CACNA1A: variants seen among roughly 807,000 people sequenced by gnomAD.
CACNA1A encodes the protein voltage-dependent P/Q-type calcium channel subunit alpha-1A.
A neutral mutation model predicts 262.4 loss-of-function variants in CACNA1A; 57 were observed. The observed-to-expected ratio is 0.22, with a 90% CI of 0.18 to 0.27. CACNA1A has a LOEUF of 0.27. Among genes scored for constraint, CACNA1A ranks in the 10% least tolerant of loss-of-function variants. The pLI, the probability that CACNA1A is intolerant of heterozygous loss-of-function variation, is 1.00. For missense variants in CACNA1A, 2,526 were observed against 3,562.8 expected (o/e 0.71, Z 7.41); for synonymous variants, 1,431 against 1,419.3 (o/e 1.01, Z -0.18).
chr19:13,463,145 TAA>T (rs112868135), intron 1 of CACNA1A, among the ~76,000 whole-genome samples: 2,772 of 141,504 alleles, frequency 0.02, 82 homozygotes, highest in African/African-American at 0.067. Flanking sequence ...TGCCTTTATT[TAA>T]AAAAAAAAAA....
chr19:13,422,853 G>T (rs1193752210), intron 3 of CACNA1A, among the ~76,000 whole-genome samples: 1 of 152,212 alleles, frequency 6.6e-6, no homozygotes, highest in Non-Finnish European at 1.5e-5. Flanking sequence ...AGCACTGTTT[G>T]CATAACTCCA....
intron 15 of CACNA1A, 35 bp from the exon 16 acceptor site, chr19:13,303,919 CCT>C (rs1306807727): frequency 1.4e-6 from 2 of 1,462,580 alleles, no homozygotes; most frequent in Admixed American, 1.7e-5. Flanking sequence ...AGCCAACCCC[CCT>C]CTCAGCCACG....
chr19:13,300,041 T>G (rs1220563460), intron 18 of CACNA1A, among the ~76,000 whole-genome samples: 1 of 152,150 alleles, frequency 6.6e-6, no homozygotes, highest in East Asian at 1.9e-4. Flanking sequence ...GCGGTAATGC[T>G]TGCTTGCTCA....
intron 28 of CACNA1A, 61 bp downstream of exon 28, chr19:13,257,289 G>T: frequency 1.5e-6 from 2 of 1,376,040 alleles, no homozygotes; most frequent in South Asian, 2.4e-5. Context: ...GGTGTTGTGT[G>T]TGTTTTAAAG....
chr19:13,295,137 A>G (rs891334560), intron 19 of CACNA1A, among the ~76,000 whole-genome samples: 9 of 152,238 alleles, frequency 5.9e-5, no homozygotes, highest in African/African-American at 1.9e-4. Flanking sequence ...GTGTGACTGA[A>G]CTCACAGCAT....
chr19:13,368,454 T>A (rs1242949026), intron 4 of CACNA1A, among the ~76,000 whole-genome samples: 1 of 147,714 alleles, frequency 6.8e-6, no homozygotes, highest in Non-Finnish European at 1.5e-5. Context: ...TGCCTCAGCC[T>A]CCCGAGTAGG....
At chr19:13,339,188 T>C (rs2080116783) in intron 6 of CACNA1A, among the ~76,000 whole-genome samples, 1 of 152,058 alleles carries the variant, frequency 6.6e-6, no homozygotes, top group Admixed American at 6.6e-5. Context: ...ATAGTCAACT[T>C]TACCTTAAAA....
In CACNA1A at chr19:13,308,211, T is replaced by C. The variant is rs1476877900; in HGVS notation, c.1822A>G (p.Asn608Asp). ...AGGCTGATGATGGACTTCATGGAGTTGAGGAGAGAGACGACCAGGTTTCTG... is the reference window on the plus strand; with the variant it reads ...AGGCTGATGATGGACTTCATGGAGTCGAGGAGAGAGACGACCAGGTTTCTG... ...SLRNLVVSLL[N>D]SMKSIISLLF... The change falls in exon 14 of 47, where the codon AAC (asparagine) becomes GAC (aspartate). Residue 608 changes from asparagine to aspartate, a missense_variant. Physicochemically the swap from Asn to Asp is conservative, Grantham distance 23 (BLOSUM62 1). Coordinates refer to ENST00000360228, the MANE Select transcript of CACNA1A (RefSeq NM_001127222.2). The surrounding 1 kb of genome is among the most constrained non-coding windows in gnomAD (Gnocchi z 4.2). The C allele has an allele frequency of 1.2e-6, 2 of 1,613,604 alleles. No homozygotes were observed. Among genetic ancestry groups the C allele is most frequent in the Non-Finnish European group, 1.7e-6 (2 of 1,179,828 alleles).
chr19:13,433,459 T>C (rs1460498778), intron 3 of CACNA1A, among the ~76,000 whole-genome samples: 1 of 18,322 alleles, frequency 5.5e-5, no homozygotes, highest in Non-Finnish European at 8.3e-5. Flanking sequence ...AGACGCTGTC[T>C]CAAAAAAAAA....
intron 1 of CACNA1A, among the ~76,000 whole-genome samples, chr19:13,469,460 CTTTTTTTTTTTT>C (rs1164678494): frequency 1.4e-4 from 9 of 62,234 alleles, no homozygotes; most frequent in East Asian, 1.0e-3. Flanking sequence ...TGAACCACCT[CTTTTTTTTTTTT>C]TTTTTTTTTT....
chr19:13,253,276 T>G (rs2056450292), intron 29 of CACNA1A, among the ~76,000 whole-genome samples, 175 bp from the exon 30 acceptor site: 1 of 150,356 alleles, frequency 6.7e-6, no homozygotes, highest in African/African-American at 2.4e-5. Flanking sequence ...CGGACTAGGC[T>G]CTTCTTTTCA....
intron 12 of CACNA1A, among the ~76,000 whole-genome samples, chr19:13,310,663 T>C (rs541420281): frequency 9.9e-5 from 15 of 150,840 alleles, no homozygotes; most frequent in Admixed American, 2.6e-4. Flanking sequence ...TTGGTGGACT[T>C]TGATTGTCAC....
At chr19:13,299,897 C>T (rs2057752914) in intron 18 of CACNA1A, among the ~76,000 whole-genome samples, 6 of 152,182 alleles carry the variant, frequency 3.9e-5, no homozygotes. Flanking sequence ...AACTGTTTCA[C>T]CTGAGATCAT....
chr19:13,472,895 T>G (rs1041892829), intron 1 of CACNA1A, among the ~76,000 whole-genome samples: 1 of 152,090 alleles, frequency 6.6e-6, no homozygotes, highest in Non-Finnish European at 1.5e-5. Context: ...AAATTAGAGA[T>G]CTCAAGATGA....
intron 10 of CACNA1A, among the ~76,000 whole-genome samples, chr19:13,320,237 C>CAAGAGA (rs1491121357): frequency 7.9e-6 from 1 of 127,150 alleles, no homozygotes; most frequent in African/African-American, 2.9e-5. Flanking sequence ...TTCCACAGAT[C>CAAGAGA]GAGAGAGAGA....
At chr19:13,217,878 G>C (rs1397313868) in intron 38 of CACNA1A, among the ~76,000 whole-genome samples, 3 of 150,400 alleles carry the variant, frequency 2.0e-5, no homozygotes, top group Non-Finnish European at 4.4e-5. Context: ...CCTGCCTGAA[G>C]AGTGTCTTTA....
intron 31 of CACNA1A, chr19:13,244,952 A>G: frequency 1.8e-6 from 1 of 567,134 alleles, no homozygotes; most frequent in African/African-American, 1.9e-5. Context: ...CCCACCCCTC[A>G]GTGCTGGCCC....
At chr19:13,408,685 G>A (rs1276508877) in intron 3 of CACNA1A, among the ~76,000 whole-genome samples, 1 of 152,212 alleles carries the variant, frequency 6.6e-6, no homozygotes, top group African/African-American at 2.4e-5. Flanking sequence ...AACTGTTCTT[G>A]CCCCAAAGAA....
intron 3 of CACNA1A, among the ~76,000 whole-genome samples, chr19:13,423,564 T>G (rs2060351920): frequency 6.6e-6 from 1 of 152,048 alleles, no homozygotes. Flanking sequence ...CAAATGGGAG[T>G]GCAGTGGTGC....
Sources: gnomAD v4.1 joint callset for allele counts (sites outside exome capture counted in the v4.1 genomes callset) on GRCh38, gnomAD v4.1.1 for gene constraint, Gnocchi (gnomAD v3.1) non-coding constraint, MANE v1.5 for transcripts, NCBI Gene and HGNC (gene_info 2026-07-23, HGNC 2026-07-21) for gene names.